NR6A1: variants seen among roughly 807,000 people sequenced by gnomAD.
The protein encoded by NR6A1 is nuclear receptor subfamily 6 group A member 1, also known as retinoic acid receptor-related testis-associated receptor.
NR6A1 carries 7 observed loss-of-function variants against 59.1 expected under a neutral mutation model. That is an observed-to-expected ratio of 0.12 (90% CI 0.07 to 0.22). The LOEUF is 0.22. NR6A1 is among the 10% of genes least tolerant of loss of function. The pLI is 1.00. For synonymous variants in NR6A1, 243 were observed against 236.1 expected, an observed-to-expected ratio of 1.03 and a Z score of -0.27; for missense variants, 468 against 611.6, an observed-to-expected ratio of 0.77 and a Z score of 2.48.
intron 2 of NR6A1, among the ~76,000 whole-genome samples, chr9:124,672,081 T>C (rs1588766894): frequency 6.6e-6 from 1 of 152,342 alleles, no homozygotes; most frequent in East Asian, 1.9e-4. Flanking sequence ...CCTGACTTCG[T>C]TTCCTCAACA....
intron 2 of NR6A1, among the ~76,000 whole-genome samples, chr9:124,669,666 G>A (rs1387349113): frequency 2.0e-5 from 3 of 152,202 alleles, no homozygotes; most frequent in African/African-American, 4.8e-5. Context: ...CATTAGCATG[G>A]CCTCTTACCA....
At position 124,583,266 on chromosome 9, in the gene NR6A1, T is replaced by C. The variant is rs140357911; in HGVS notation, c.143-28696A>G. Among the ~76,000 whole-genome samples the C allele has an allele frequency of 2.2e-3, 331 of 152,140 alleles. 2 individuals are homozygous for C. The highest frequency in any genetic ancestry group is 0.018 in the East Asian group (95 of 5,182). On this transcript the variant is annotated intron_variant, in intron 2 of 9. Transcript: ENST00000487099. The stretch of plus-strand genomic sequence containing the variant: ...CATTAAGAAAATACAACAGACTCCC[T>C]TTCTGTTGGGAACACTCCCCTAGAG...
intron 2 of NR6A1, among the ~76,000 whole-genome samples, chr9:124,614,023 T>G (rs565380717): frequency 1.3e-5 from 2 of 151,824 alleles, no homozygotes; most frequent in Admixed American, 1.3e-4. Flanking sequence ...AGGAAACAAA[T>G]AAGGGAAGTC....
intron 3 of NR6A1, among the ~76,000 whole-genome samples, chr9:124,548,127 A>G (rs1833655645): frequency 1.5e-5 from 2 of 136,236 alleles, no homozygotes; most frequent in African/African-American, 5.3e-5. Flanking sequence ...AGAGAGAGAC[A>G]GAAAGAAGAG....
chr9:124,651,260 C>T (rs1441900036), intron 2 of NR6A1, among the ~76,000 whole-genome samples: 3 of 151,954 alleles, frequency 2.0e-5, no homozygotes, highest in East Asian at 1.9e-4. Context: ...GGTTTTGCCA[C>T]GTCGCCCAGG....
At chr9:124,758,874 G>A (rs1160677165) in intron 1 of NR6A1, among the ~76,000 whole-genome samples, 1 of 152,150 alleles carries the variant, frequency 6.6e-6, no homozygotes, top group Non-Finnish European at 1.5e-5. Flanking sequence ...TTTCTAAATT[G>A]CAACTTCCTG....
At chr9:124,647,258 C>G (rs116459070) in intron 2 of NR6A1, among the ~76,000 whole-genome samples, 123 of 151,704 alleles carry the variant, frequency 8.1e-4, no homozygotes, top group African/African-American at 2.8e-3. Context: ...CAATTGTTAG[C>G]TAGACTAAGA....
At chr9:124,529,229 T>C (rs886269632) in intron 7 of NR6A1, among the ~76,000 whole-genome samples, 2 of 152,196 alleles carry the variant, frequency 1.3e-5, no homozygotes, top group African/African-American at 2.4e-5. Flanking sequence ...CACTCTACCA[T>C]TTGTTGAGTG....
chr9:124,567,032 C>T (rs1170983697), intron 2 of NR6A1, among the ~76,000 whole-genome samples: 4 of 150,710 alleles, frequency 2.7e-5, no homozygotes, highest in Non-Finnish European at 5.9e-5. Context: ...GGCGTGAACC[C>T]GGGAGGCGGA....
intron 2 of NR6A1, among the ~76,000 whole-genome samples, chr9:124,708,375 C>T (rs1839191696): frequency 6.6e-6 from 1 of 152,178 alleles, no homozygotes; most frequent in African/African-American, 2.4e-5. Context: ...GTTCTTACCC[C>T]AAGTACAGTG....
intron 7 of NR6A1, among the ~76,000 whole-genome samples, chr9:124,532,323 T>C (rs1279935975): frequency 6.6e-6 from 1 of 152,224 alleles, no homozygotes; most frequent in African/African-American, 2.4e-5. Flanking sequence ...CACTTCAAGG[T>C]GCAGCTCAAA....
chr9:124,642,953 T>C (rs1423844104), intron 2 of NR6A1, among the ~76,000 whole-genome samples: 3 of 152,066 alleles, frequency 2.0e-5, no homozygotes, highest in Non-Finnish European at 2.9e-5. Context: ...ATATTAAGAA[T>C]TGTGGCCTGG....
intron 2 of NR6A1, among the ~76,000 whole-genome samples, chr9:124,710,545 A>T (rs1276228644): frequency 1.3e-5 from 2 of 151,994 alleles, no homozygotes; most frequent in African/African-American, 4.8e-5. Flanking sequence ...CTCCTTCCCA[A>T]CCTCTTAGCC....
chr9:124,638,337 T>C (rs1836679419), intron 2 of NR6A1, among the ~76,000 whole-genome samples: 1 of 152,114 alleles, frequency 6.6e-6, no homozygotes, highest in African/African-American at 2.4e-5. Context: ...CTCATCTACT[T>C]ACTTTTTCTT....
chr9:124,543,659 G>T, intron 4 of NR6A1, 143 bp downstream of exon 4: 1 of 569,822 alleles, frequency 1.8e-6, no homozygotes. Context: ...TTCACATCCA[G>T]GATGTAAAAG....
chr9:124,554,867 C>T (rs185904734), intron 2 of NR6A1, among the ~76,000 whole-genome samples: 1 of 152,206 alleles, frequency 6.6e-6, no homozygotes, highest in Non-Finnish European at 1.5e-5. Flanking sequence ...CCCTGCTCAT[C>T]TATAACCCAT....
At chr9:124,665,612 T>A (rs1169246741) in intron 2 of NR6A1, among the ~76,000 whole-genome samples, 2 of 152,238 alleles carry the variant, frequency 1.3e-5, no homozygotes, top group African/African-American at 4.8e-5. Context: ...GAGCATTAAA[T>A]GTAAAGCATG....
At chr9:124,657,839 A>G (rs1837307129) in intron 2 of NR6A1, among the ~76,000 whole-genome samples, 1 of 152,126 alleles carries the variant, frequency 6.6e-6, no homozygotes, top group South Asian at 2.1e-4. Flanking sequence ...TCATACATCC[A>G]AACACTCCAG....
At chr9:124,653,507 C>T (rs1486873185) in intron 2 of NR6A1, among the ~76,000 whole-genome samples, 1 of 152,134 alleles carries the variant, frequency 6.6e-6, no homozygotes, top group African/African-American at 2.4e-5. Flanking sequence ...AACTCCTGCA[C>T]TCAAGTGACC....
Sources: allele counts gnomAD v4.1 joint callset (sites outside exome capture counted in the v4.1 genomes callset), GRCh38; gene constraint gnomAD v4.1.1; transcripts MANE v1.5; gene names NCBI Gene and HGNC (gene_info 2026-07-23, HGNC 2026-07-21).